Variants in PTPRG observed in about 807,000 individuals in gnomAD.
PTPRG encodes the protein receptor-type tyrosine-protein phosphatase gamma.
In PTPRG, 102 loss-of-function variants were observed where a neutral mutation model predicts 165.3. That is an observed-to-expected ratio of 0.62 (90% confidence interval 0.53 to 0.73). PTPRG has a LOEUF of 0.73. Ranked by LOEUF, PTPRG falls within the 30% of genes least tolerant of loss-of-function variation. The pLI is 0.00. For missense variants in PTPRG, 1,866 were observed against 1,861.4 expected (o/e 1.00, Z -0.05); for synonymous variants, 675 against 669.5 (o/e 1.01, Z -0.13).
At chr3:61,647,193 TC>T (rs1317532381) in intron 1 of PTPRG, among the ~76,000 whole-genome samples, 8 of 152,350 alleles carry the variant, frequency 5.3e-5, no homozygotes, top group Admixed American at 3.9e-4. Flanking sequence ...CAGACTATTC[TC>T]CTTTACTAAG....
intron 2 of PTPRG, among the ~76,000 whole-genome samples, chr3:61,762,675 G>A (rs1212458493): frequency 6.6e-6 from 1 of 152,098 alleles, no homozygotes; most frequent in Non-Finnish European, 1.5e-5. Flanking sequence ...AAATTCCCAC[G>A]GAAGTCATTT....
intron 1 of PTPRG, among the ~76,000 whole-genome samples, chr3:61,734,371 G>T (rs1454359293): frequency 6.6e-6 from 1 of 152,116 alleles, no homozygotes; most frequent in East Asian, 1.9e-4. Flanking sequence ...GAGGTTTCCA[G>T]TTGCTCCTAA....
chr3:62,256,937 T>C (rs902430320), intron 16 of PTPRG, among the ~76,000 whole-genome samples: 2 of 152,164 alleles, frequency 1.3e-5, no homozygotes, highest in Non-Finnish European at 2.9e-5. Flanking sequence ...AAAAATATAC[T>C]GCAGCTAAAA....
chr3:61,673,740 A>G (rs1384708246), intron 1 of PTPRG, among the ~76,000 whole-genome samples: 1 of 151,978 alleles, frequency 6.6e-6, no homozygotes, highest in African/African-American at 2.4e-5. Context: ...TTATCATCTA[A>G]CCCCCTTTCT....
rs192513803 is a variant in PTPRG at position 61,644,900 on chromosome 3, G to C, written c.85+82528G>C. 3.3e-4 allele frequency among the ~76,000 whole-genome samples: 51 copies of C among 152,280 alleles called. No individual in the cohort carries two copies. In the East Asian group the frequency reaches 8.3e-3, roughly 25 times the overall value. On this transcript the variant is annotated intron_variant, in intron 1 of 29. Coordinates refer to ENST00000474889, the MANE Select transcript of PTPRG (RefSeq NM_002841.4). ...AAAGTCAAATCCAACAAGAAAAGAA[G>C]GTGTTGCTTTATGGTCGACATAACC...
intron 2 of PTPRG, among the ~76,000 whole-genome samples, chr3:61,789,997 A>T (rs1032384885): frequency 6.6e-6 from 1 of 152,170 alleles, no homozygotes; most frequent in African/African-American, 2.4e-5. Flanking sequence ...GTTTCCTGGT[A>T]CCATCAGGGT....
intron 2 of PTPRG, among the ~76,000 whole-genome samples, chr3:61,832,762 G>C (rs967686418): frequency 6.6e-6 from 1 of 152,160 alleles, no homozygotes; most frequent in Admixed American, 6.5e-5. Flanking sequence ...ACATGAGTAA[G>C]TTCTTTAGTG....
chr3:62,185,041 C>G (rs1281019181), intron 8 of PTPRG, among the ~76,000 whole-genome samples: 4 of 152,060 alleles, frequency 2.6e-5, no homozygotes, highest in African/African-American at 9.7e-5. Context: ...GGGGAGCCTA[C>G]TATTTACTGT....
chr3:61,853,631 A>G (rs1246063263), intron 2 of PTPRG, among the ~76,000 whole-genome samples: 1 of 152,248 alleles, frequency 6.6e-6, no homozygotes, highest in East Asian at 1.9e-4. Context: ...CCATTGCTAC[A>G]TTCCTGACCT....
intron 3 of PTPRG, among the ~76,000 whole-genome samples, chr3:61,992,444 C>T (rs543618720): frequency 1.3e-5 from 2 of 152,166 alleles, no homozygotes; most frequent in Non-Finnish European, 2.9e-5. Flanking sequence ...ATTGCAACCT[C>T]TGCCTCCCGG....
intron 1 of PTPRG, among the ~76,000 whole-genome samples, chr3:61,691,310 T>C (rs1315315860): frequency 6.6e-6 from 1 of 152,058 alleles, no homozygotes; most frequent in Non-Finnish European, 1.5e-5. Flanking sequence ...TGGAGGCTGA[T>C]ACAAGAGGAT....
rs1553657854 is a variant in PTPRG, at chr3:61,738,324, A to ATGTGTATATATATGTATATATATATGTG, written c.86-10553_86-10552insGTGTATATATATGTATATATATATGTGT. ...TATATATATATATACATATATATAT[A>ATGTGTATATATATGTATATATATATGTG]TATATATATATATGTATATATATAT... On this transcript the variant is annotated intron_variant, in intron 1 of 29. Transcript: ENST00000474889. Among the ~76,000 whole-genome samples, 2 of 93,654 alleles carry ATGTGTATATATATGTATATATATATGTG rather than the reference A, an allele frequency of 2.1e-5. 1 individual carries two copies. Among genetic ancestry groups the ATGTGTATATATATGTATATATATATGTG allele is most frequent in the Non-Finnish European group, 4.4e-5 (2 of 45,604 alleles). The allele number at this position is 93,654 out of a possible 152,430, so 61.4% of individuals were successfully genotyped here. A position where few individuals can be genotyped will look rare whatever the true frequency, so the allele number is the denominator to read the frequency against.
intron 5 of PTPRG, among the ~76,000 whole-genome samples, chr3:62,086,251 T>C (rs1701749349): frequency 6.6e-6 from 1 of 151,416 alleles, no homozygotes; most frequent in Non-Finnish European, 1.5e-5. Flanking sequence ...TGATGAAGAA[T>C]AAATTTTCTA....
intron 1 of PTPRG, among the ~76,000 whole-genome samples, chr3:61,582,082 C>G (rs761821812): frequency 1.2e-4 from 18 of 152,140 alleles, no homozygotes; most frequent in Non-Finnish European, 2.6e-4. Flanking sequence ...ATCCTCCCAT[C>G]TCAGCCTCCC....
chr3:62,187,755 TG>T (rs1227366143), intron 8 of PTPRG, among the ~76,000 whole-genome samples: 1 of 152,016 alleles, frequency 6.6e-6, no homozygotes, highest in East Asian at 1.9e-4. Flanking sequence ...CTACCCAGGA[TG>T]GGGGGTAGAG....
intron 1 of PTPRG, among the ~76,000 whole-genome samples, chr3:61,712,841 G>A (rs1350115450): frequency 1.3e-5 from 2 of 152,116 alleles, no homozygotes; most frequent in African/African-American, 2.4e-5. Context: ...ATGCATGAAA[G>A]GTCATATATA....
intron 20 of PTPRG, among the ~76,000 whole-genome samples, chr3:62,269,718 T>G (rs577036925): frequency 2.4e-4 from 37 of 152,214 alleles, no homozygotes; most frequent in Middle Eastern, 3.4e-3. Context: ...GGAATCACAT[T>G]TTTGTGGAAA....
At chr3:62,044,538 CA>C (rs144902203) in intron 4 of PTPRG, among the ~76,000 whole-genome samples, 20 of 139,396 alleles carry the variant, frequency 1.4e-4, no homozygotes, top group Non-Finnish European at 1.4e-4. Context: ...GACTGTATCT[CA>C]AAAAAAAAAG....
chr3:61,657,903 C>T (rs1702552225), intron 1 of PTPRG, among the ~76,000 whole-genome samples: 1 of 152,120 alleles, frequency 6.6e-6, no homozygotes, highest in Non-Finnish European at 1.5e-5. Flanking sequence ...GCTTGTTAAA[C>T]AGAGGGCTGC....
Sources: gnomAD v4.1 joint callset for allele counts (sites outside exome capture counted in the v4.1 genomes callset) on GRCh38, gnomAD v4.1.1 for gene constraint, MANE v1.5 for transcripts, NCBI Gene and HGNC (gene_info 2026-07-23, HGNC 2026-07-21) for gene names.